Variants in NAA15 observed in about 807,000 individuals in gnomAD.
The protein encoded by NAA15 is N-alpha-acetyltransferase 15, NatA auxiliary subunit, also known as N-terminal acetyltransferase.
NAA15 carries 34 observed loss-of-function variants against 114.0 expected under a neutral mutation model. The ratio of observed to expected loss-of-function variants is 0.30; its 90% CI spans 0.23 to 0.40. NAA15 has a LOEUF of 0.40. Ranked by LOEUF, NAA15 falls within the 10% of genes least tolerant of loss-of-function variation. The pLI is 1.00. For missense variants in NAA15, 658 were observed against 1,004.5 expected, an observed-to-expected ratio of 0.66 and a Z score of 4.66; for synonymous variants, 340 against 338.0, an observed-to-expected ratio of 1.01 and a Z score of -0.06.
chr4:139,307,824 C>T (rs1746075438), intron 1 of NAA15, among the ~76,000 whole-genome samples: 1 of 151,824 alleles, frequency 6.6e-6, no homozygotes, highest in South Asian at 2.1e-4. Context: ...TTTTTCTTTT[C>T]AGGGCACTTA....
At chr4:139,383,229 T>G (rs1748799831) in intron 17 of NAA15, among the ~76,000 whole-genome samples, 1 of 152,174 alleles carries the variant, frequency 6.6e-6, no homozygotes, top group South Asian at 2.1e-4. Context: ...ACACAGTAGC[T>G]TTTCCTTACT....
chr4:139,374,146 C>G (rs1748518320), intron 15 of NAA15, among the ~76,000 whole-genome samples: 1 of 152,060 alleles, frequency 6.6e-6, no homozygotes, highest in Non-Finnish European at 1.5e-5. Context: ...GACATATACT[C>G]CTTTACAACA....
At chr4:139,387,832 A>T in intron 19 of NAA15, 52 bp from the exon 20 acceptor site, 4 of 1,426,778 alleles carry the variant, frequency 2.8e-6, no homozygotes, top group Non-Finnish European at 3.9e-6. Flanking sequence ...ATAAATTCCC[A>T]GTAAGAACCT....
chr4:139,353,320 T>G (rs1431271713), intron 9 of NAA15, among the ~76,000 whole-genome samples: 2 of 152,214 alleles, frequency 1.3e-5, no homozygotes, highest in East Asian at 3.8e-4. Flanking sequence ...AGCTGCAATC[T>G]TTAGTCCTCA....
rs551965769 is a variant in NAA15, at chr4:139,344,102, C to T, written c.538-84C>T. On this transcript the variant is annotated intron_variant, in intron 5 of 19. Coordinates refer to ENST00000296543, the MANE Select transcript of NAA15 (RefSeq NM_057175.5). Reference sequence around the variant, plus strand: ...TCAACCGGATGTTATCCTTTGACTTCTTACATGTTTTTGAGTATTGTGAAC... The same window carrying T: ...TCAACCGGATGTTATCCTTTGACTTTTTACATGTTTTTGAGTATTGTGAAC... 42 of 1,235,896 alleles carry T rather than the reference C, an allele frequency of 3.4e-5. No homozygotes were observed. In the African/African-American group the frequency reaches 6.0e-4, roughly 18 times the overall value. The allele number at this position is 1,235,896 out of a possible 1,614,324, so 76.6% of individuals were successfully genotyped here. A position where few individuals can be genotyped will look rare whatever the true frequency, so the allele number is the denominator to read the frequency against.
intron 14 of NAA15, among the ~76,000 whole-genome samples, chr4:139,363,218 C>T (rs1055738657): frequency 2.6e-5 from 4 of 152,184 alleles, no homozygotes; most frequent in Admixed American, 6.5e-5. Context: ...TGCCTCCCTC[C>T]TTCTCTTCTT....
intron 5 of NAA15, among the ~76,000 whole-genome samples, chr4:139,343,272 T>G (rs1171929855): frequency 6.6e-6 from 1 of 152,202 alleles, no homozygotes; most frequent in Non-Finnish European, 1.5e-5. Flanking sequence ...AATAACTGTA[T>G]AGTTTTCAGT....
intron 1 of NAA15, among the ~76,000 whole-genome samples, chr4:139,330,541 C>T (rs897511101): frequency 6.6e-6 from 1 of 152,010 alleles, no homozygotes; most frequent in African/African-American, 2.4e-5. Flanking sequence ...TACCAGAGGA[C>T]AGAAGTATAA....
At chr4:139,320,712 G>T (rs1746569606) in intron 1 of NAA15, among the ~76,000 whole-genome samples, 1 of 152,072 alleles carries the variant, frequency 6.6e-6, no homozygotes, top group Admixed American at 6.6e-5. Context: ...ATAGAGACGG[G>T]GTTTCATCAT....
At position 139,311,165 on chromosome 4, in the gene NAA15, T is replaced by A. The variant is rs924582381; in HGVS notation, c.54+9334T>A. Among the ~76,000 whole-genome samples the A allele has an allele frequency of 4.6e-5, 7 of 151,848 alleles. No individual in the cohort carries two copies. In the East Asian group the frequency reaches 7.8e-4, roughly 17 times the overall value. ...AGTCCTTCTCACCTTATTTTCTTAT[T>A]TCTTACTTTATTCTCATTTATCAGC... On this transcript the variant is annotated intron_variant, in intron 1 of 19. Coordinates refer to ENST00000296543, the MANE Select transcript of NAA15 (RefSeq NM_057175.5).
Position 139,390,372 on chromosome 4 carries a change from CT to C in NAA15, c.*2289del, listed in dbSNP as rs1172032626. 6.6e-6 allele frequency: 1 copy of C among 152,624 alleles called. No homozygotes were observed. Among genetic ancestry groups the C allele is most frequent in the Non-Finnish European group, 1.5e-5 (1 of 68,042 alleles). The allele number at this position is 152,624 out of a possible 1,614,324, so 9.5% of individuals were successfully genotyped here. ...TTCATTTTATGTCCAGACATCACCC[CT>C]GAAACACTGTACTGTACTATCTTGC... On this transcript the variant is annotated 3_prime_UTR_variant, in exon 20 of 20. Transcript: ENST00000296543.
intron 15 of NAA15, 41 bp downstream of exon 15, chr4:139,370,445 A>G (rs201732498): frequency 2.0e-6 from 3 of 1,487,022 alleles, no homozygotes; most frequent in East Asian, 4.7e-5. Flanking sequence ...GTGACATTTT[A>G]TGACCAGCTC....
rs148361750 is a variant in NAA15 at position 139,343,979 on chromosome 4, A to C, written c.538-207A>C. Among the ~76,000 whole-genome samples, 393 of 152,236 alleles carry C rather than the reference A, an allele frequency of 2.6e-3. 2 individuals are homozygous for C. Among genetic ancestry groups the C allele is most frequent in the African/African-American group, 8.2e-3 (342 of 41,554 alleles). On this transcript the variant is annotated intron_variant, in intron 5 of 19. Transcript: ENST00000296543. The stretch of plus-strand genomic sequence containing the variant: ...CCATATTTATTGTGTGTAAGGACTT[A>C]TGGATTATTATTTTATTCAACCTGT...
intron 1 of NAA15, among the ~76,000 whole-genome samples, chr4:139,318,179 A>G (rs1245459274): frequency 6.6e-6 from 1 of 152,158 alleles, no homozygotes; most frequent in Non-Finnish European, 1.5e-5. Flanking sequence ...AAAATTCCTT[A>G]CAGATCTTTC....
intron 1 of NAA15, 98 bp downstream of exon 1, chr4:139,301,929 C>T: frequency 7.7e-7 from 1 of 1,296,222 alleles, no homozygotes; most frequent in Non-Finnish European, 1.1e-6. Context: ...GCCACTCCCG[C>T]CCGGGACCCC....
chr4:139,306,526 C>T (rs1327061640), intron 1 of NAA15, among the ~76,000 whole-genome samples: 1 of 151,862 alleles, frequency 6.6e-6, no homozygotes, highest in South Asian at 2.1e-4. Context: ...TGAGCCACTG[C>T]ACCTGGTCCT....
intron 17 of NAA15, among the ~76,000 whole-genome samples, chr4:139,382,508 A>G (rs1012858553): frequency 6.6e-6 from 1 of 152,140 alleles, no homozygotes; most frequent in African/African-American, 2.4e-5. Context: ...GATATTTTTT[A>G]CATGTAAAGT....
chr4:139,381,612 C>T (rs930806104), intron 17 of NAA15, among the ~76,000 whole-genome samples: 47 of 151,194 alleles, frequency 3.1e-4, no homozygotes, highest in African/African-American at 9.0e-4. Flanking sequence ...TTTATTTTGC[C>T]GTTTTTGAGT....
At chr4:139,346,777 C>A (rs773954374) in intron 6 of NAA15, among the ~76,000 whole-genome samples, 50 of 151,938 alleles carry the variant, frequency 3.3e-4, no homozygotes, top group Non-Finnish European at 5.7e-4. Flanking sequence ...ATCTTCTGAC[C>A]CCCAAAGTGC....
Sources: allele counts gnomAD v4.1 joint callset (sites outside exome capture counted in the v4.1 genomes callset), GRCh38; gene constraint gnomAD v4.1.1; transcripts MANE v1.5; gene names NCBI Gene and HGNC (gene_info 2026-07-23, HGNC 2026-07-21).